DPP10: variants seen among roughly 807,000 people sequenced by gnomAD.
The protein encoded by DPP10 is inactive dipeptidyl peptidase 10.
Under a neutral mutation model 120.9 loss-of-function variants are expected in DPP10, and 33 were observed. The ratio of observed to expected loss-of-function variants is 0.27; its 90% CI spans 0.21 to 0.37. The LOEUF (loss-of-function observed/expected upper bound fraction) is 0.37, where lower values mean the gene tolerates loss of function less well. Ranked by LOEUF, DPP10 falls within the 10% of genes least tolerant of loss-of-function variation. DPP10 has a pLI of 1.00. For missense variants in DPP10, 816 were observed against 942.8 expected, an observed-to-expected ratio of 0.87 and a Z score of 1.76; for synonymous variants, 337 against 326.1, an observed-to-expected ratio of 1.03 and a Z score of -0.36.
intron 19 of DPP10, among the ~76,000 whole-genome samples, chr2:115,795,480 C>T (rs1233197049): frequency 6.6e-6 from 1 of 152,156 alleles, no homozygotes; most frequent in Non-Finnish European, 1.5e-5. Flanking sequence ...TCCATCAAGT[C>T]TTATCTTCCT....
At chr2:114,742,719 G>A (rs1199856083) in intron 1 of DPP10, among the ~76,000 whole-genome samples, 1 of 152,124 alleles carries the variant, frequency 6.6e-6, no homozygotes, top group African/African-American at 2.4e-5. Flanking sequence ...ACTGGTGATC[G>A]AACAGCAACA....
At chr2:114,713,123 A>T (rs1701131781) in intron 1 of DPP10, among the ~76,000 whole-genome samples, 2 of 150,950 alleles carry the variant, frequency 1.3e-5, no homozygotes, top group Admixed American at 1.3e-4. Flanking sequence ...AGTAGCTGGG[A>T]TTACCGGTGT....
chr2:115,304,887 G>A (rs978737814), intron 1 of DPP10, among the ~76,000 whole-genome samples: 1 of 151,960 alleles, frequency 6.6e-6, no homozygotes, highest in Non-Finnish European at 1.5e-5. Flanking sequence ...CTTTATAGTG[G>A]TAAGCCTTGT....
intron 1 of DPP10, among the ~76,000 whole-genome samples, chr2:114,843,978 T>TAAAAAA (rs2106459791): frequency 6.6e-6 from 1 of 152,326 alleles, no homozygotes; most frequent in East Asian, 1.9e-4. Context: ...GTCTTTGGTG[T>TAAAAAA]AAACAACACT....
At chr2:115,430,780 C>T (rs536384662) in intron 3 of DPP10, among the ~76,000 whole-genome samples, 125 of 152,196 alleles carry the variant, frequency 8.2e-4, no homozygotes, top group African/African-American at 2.6e-3. Flanking sequence ...GCACATTGCC[C>T]GCGTCCATAA....
At chr2:115,269,339 C>T (rs929365127) in intron 1 of DPP10, among the ~76,000 whole-genome samples, 15 of 152,160 alleles carry the variant, frequency 9.9e-5, no homozygotes, top group African/African-American at 3.4e-4. Context: ...TATTTGTTAT[C>T]TATTGCTCCA....
intron 1 of DPP10, chr2:115,162,366 C>T (rs1013355947): frequency 1.5e-6 from 2 of 1,368,670 alleles, no homozygotes; most frequent in Non-Finnish European, 1.9e-6. Context: ...TCTTGGTTCC[C>T]CATTAACGCA....
chr2:115,195,867 G>T (rs1279618177), intron 1 of DPP10, among the ~76,000 whole-genome samples: 1 of 152,018 alleles, frequency 6.6e-6, no homozygotes, highest in Non-Finnish European at 1.5e-5. Flanking sequence ...TTCTTTTTCT[G>T]CAAACCCTGA....
chr2:114,445,534 CTG>C (rs145248880), intron 1 of DPP10, among the ~76,000 whole-genome samples: 9,580 of 143,434 alleles, frequency 0.067, 330 homozygotes, highest in South Asian at 0.093. Context: ...AAAAACAGCT[CTG>C]TGTGTGTGTG....
chr2:114,455,307 G>A (rs1007805390), intron 1 of DPP10, among the ~76,000 whole-genome samples: 5 of 152,082 alleles, frequency 3.3e-5, no homozygotes, highest in Admixed American at 6.5e-5. Flanking sequence ...CACTTAGGGA[G>A]GCCAAGGTGG....
In DPP10 at chr2:115,124,814, T is replaced by C. The variant is rs137986674; in HGVS notation, c.61-184425T>C. On this transcript the variant is annotated intron_variant, in intron 1 of 25. Coordinates refer to ENST00000410059, the MANE Select transcript of DPP10 (RefSeq NM_020868.6). Reference sequence around the variant, plus strand: ...TGACATCTAGTTAACGTTTAACAAATAGTTACAGTTATAGAATAAACCCAT... The same window carrying C: ...TGACATCTAGTTAACGTTTAACAAACAGTTACAGTTATAGAATAAACCCAT... Among the ~76,000 whole-genome samples, 476 of 152,336 alleles carry C rather than the reference T, an allele frequency of 3.1e-3. 3 individuals carry two copies. The highest frequency in any genetic ancestry group is 0.011 in the African/African-American group (458 of 41,584).
At position 115,839,383 on chromosome 2, in the gene DPP10, A is replaced by C. The variant is rs1332285561; in HGVS notation, c.2183-1367A>C. On this transcript the variant is annotated intron_variant, in intron 24 of 25. Transcript: ENST00000410059. ...CCTAATTTTGCAACGACAATTAAAA[A>C]TGTTAGCTTAGGCTGGGCGCGGTGG... Among the ~76,000 whole-genome samples the C allele has an allele frequency of 2.6e-5, 4 of 152,240 alleles. No individual in the cohort carries two copies. The East Asian group carries it at 7.7e-4, about 29-fold the overall frequency.
intron 1 of DPP10, among the ~76,000 whole-genome samples, chr2:114,557,034 A>G (rs1245244391): frequency 6.7e-6 from 1 of 149,742 alleles, no homozygotes; most frequent in African/African-American, 2.5e-5. Context: ...AATTTTGCTT[A>G]GAAGTAGAGA....
chr2:114,831,344 A>G (rs941612454), intron 1 of DPP10, among the ~76,000 whole-genome samples: 1 of 152,158 alleles, frequency 6.6e-6, no homozygotes, highest in Non-Finnish European at 1.5e-5. Context: ...TGGGTCAACT[A>G]TCTAGCTGTC....
intron 1 of DPP10, among the ~76,000 whole-genome samples, chr2:114,792,783 TATTTCTGGAACA>T (rs1162092340): frequency 6.6e-6 from 1 of 152,150 alleles, no homozygotes; most frequent in Non-Finnish European, 1.5e-5. Flanking sequence ...ATGTCAGAAA[TATTTCTGGAACA>T]ATTAAGTGTG....
intron 1 of DPP10, among the ~76,000 whole-genome samples, chr2:114,741,295 T>C (rs955596284): frequency 6.6e-6 from 1 of 152,146 alleles, no homozygotes; most frequent in Non-Finnish European, 1.5e-5. Flanking sequence ...ATAATGTGAG[T>C]TTCTTTCCAC....
At chr2:115,013,701 C>A (rs1387984632) in intron 1 of DPP10, among the ~76,000 whole-genome samples, 2 of 147,972 alleles carry the variant, frequency 1.4e-5, no homozygotes, top group Non-Finnish European at 3.0e-5. Flanking sequence ...CAATTCTAGT[C>A]TCTGATAAAA....
At chr2:115,745,039 G>T (rs1677773894) in intron 9 of DPP10, among the ~76,000 whole-genome samples, 1 of 150,204 alleles carries the variant, frequency 6.7e-6, no homozygotes, top group African/African-American at 2.4e-5. Flanking sequence ...GTACCTCATT[G>T]ATGGGGTTAT....
chr2:115,133,141 GTGTGTATATATATA>G (rs1286776252), intron 1 of DPP10, among the ~76,000 whole-genome samples: 11 of 35,386 alleles, frequency 3.1e-4, no homozygotes, highest in African/African-American at 1.0e-3. Flanking sequence ...GTGTGTGTGT[GTGTGTATATATATA>G]TATATATATA....
Sources: gnomAD v4.1 joint callset for allele counts (sites outside exome capture counted in the v4.1 genomes callset) on GRCh38, gnomAD v4.1.1 for gene constraint, MANE v1.5 for transcripts, NCBI Gene and HGNC (gene_info 2026-07-23, HGNC 2026-07-21) for gene names.